SNRPN: variants seen among roughly 807,000 people sequenced by gnomAD.
SNRPN encodes the protein small nuclear ribonucleoprotein-associated protein N.
SNRPN carries 7 observed loss-of-function variants against 25.2 expected under a neutral mutation model. That is an observed-to-expected ratio of 0.28 (90% CI 0.16 to 0.52). The LOEUF is 0.52. Among genes scored for constraint, SNRPN ranks in the 20% least tolerant of loss-of-function variants. The probability of loss-of-function intolerance (pLI) is 0.96; values close to 1 mark genes in which losing one functional copy is unlikely to be tolerated. For missense variants in SNRPN, 196 were observed against 322.5 expected, an observed-to-expected ratio of 0.61 and a Z score of 3.00; for synonymous variants, 124 against 110.6, an observed-to-expected ratio of 1.12 and a Z score of -0.76.
chr15:24,886,346 A>G (rs2057206620), intron 1 of SNRPN, among the ~76,000 whole-genome samples: 1 of 152,136 alleles, frequency 6.6e-6, no homozygotes, highest in Non-Finnish European at 1.5e-5. Context: ...TTGGCTATAA[A>G]TTGCCACTTG....
At chr15:24,832,714 A>G (rs1000924827) in intron 2 of SNRPN, among the ~76,000 whole-genome samples, 1 of 152,018 alleles carries the variant, frequency 6.6e-6, no homozygotes, top group African/African-American at 2.4e-5. Flanking sequence ...TTGGACTAAG[A>G]GTCCAAGGTC....
intron 2 of SNRPN, among the ~76,000 whole-genome samples, chr15:24,890,288 TG>T (rs2057566055): frequency 6.6e-6 from 1 of 152,116 alleles, no homozygotes; most frequent in Non-Finnish European, 1.5e-5. Flanking sequence ...AACAAAGATC[TG>T]AACAAACAGG....
chr15:24,896,474 T>C (rs143219629), intron 2 of SNRPN, among the ~76,000 whole-genome samples: 1 of 152,104 alleles, frequency 6.6e-6, no homozygotes, highest in Admixed American at 6.6e-5. Context: ...CCACTTAAAA[T>C]GGCTCCTAGG....
In SNRPN at chr15:24,942,083, G is replaced by A. The variant is rs143290533; in HGVS notation, c.-390-20031G>A. Among the ~76,000 whole-genome samples, 316 of 152,162 alleles carry A rather than the reference G, an allele frequency of 2.1e-3. 1 individual carries two copies. Among genetic ancestry groups the A allele is most frequent in the African/African-American group, 7.3e-3 (303 of 41,538 alleles). On this transcript the variant is annotated intron_variant, in intron 3 of 11. Transcript: ENST00000400097. The stretch of plus-strand genomic sequence containing the variant: ...ATGAGCCACCGTGCCCGGCCTAGAT[G>A]GCAGTCCTAACTTCTACTTCAGTCC...
intron 1 of SNRPN, among the ~76,000 whole-genome samples, chr15:24,867,390 G>C (rs962528004): frequency 1.3e-5 from 1 of 77,992 alleles, no homozygotes; most frequent in Non-Finnish European, 2.3e-5. Context: ...TTTTTTTTTG[G>C]GGGGGACGGA....
chr15:24,972,037 C>T (rs920886640), intron 3 of SNRPN, among the ~76,000 whole-genome samples: 3 of 152,060 alleles, frequency 2.0e-5, no homozygotes, highest in Non-Finnish European at 4.4e-5. Context: ...CGGCAGGTCA[C>T]CTGAAGTCAG....
rs545387176 is a variant in SNRPN, at chr15:24,837,533, T to C, written c.-579+7628T>C. Among the ~76,000 whole-genome samples the C allele has an allele frequency of 1.1e-4, 17 of 151,366 alleles. No homozygotes were observed. In the South Asian group the frequency reaches 3.5e-3, roughly 31 times the overall value. ...ACAGGCGCCCACCACCATGCCTGGC[T>C]AATTTTTTTGTATTTTTGGTAGAGA... On this transcript the variant is annotated intron_variant, in intron 2 of 12. Transcript: ENST00000400100.
chr15:24,904,620 A>G (rs1421309422), intron 2 of SNRPN, among the ~76,000 whole-genome samples: 2 of 152,082 alleles, frequency 1.3e-5, no homozygotes, highest in Non-Finnish European at 2.9e-5. Context: ...GGGCCACTGC[A>G]CTCCAGCCTG....
At chr15:24,920,714 G>C (rs536743103) in intron 3 of SNRPN, among the ~76,000 whole-genome samples, 2 of 152,278 alleles carry the variant, frequency 1.3e-5, no homozygotes, top group South Asian at 4.1e-4. Context: ...GGCAGCGGGC[G>C]TGTATAGAGG....
intron 3 of SNRPN, among the ~76,000 whole-genome samples, chr15:24,938,977 T>A (rs2061397241): frequency 6.6e-6 from 1 of 152,054 alleles, no homozygotes; most frequent in Non-Finnish European, 1.5e-5. Context: ...GGAAGGACAT[T>A]CTCTCCCATG....
chr15:24,915,815 G>A (rs1000459927), intron 2 of SNRPN, among the ~76,000 whole-genome samples: 1 of 152,062 alleles, frequency 6.6e-6, no homozygotes, highest in Non-Finnish European at 1.5e-5. Context: ...AAAATTTTAA[G>A]GGGTGGCAGG....
chr15:24,949,726 AG>A (rs1290354411), intron 3 of SNRPN, among the ~76,000 whole-genome samples: 2 of 152,194 alleles, frequency 1.3e-5, no homozygotes, highest in African/African-American at 4.8e-5. Context: ...TAATGTTGTC[AG>A]GGTTCTTCCA....
chr15:24,908,052 C>CAAAAAA (rs71127014), intron 2 of SNRPN, among the ~76,000 whole-genome samples: 10 of 70,698 alleles, frequency 1.4e-4, no homozygotes, highest in Non-Finnish European at 2.2e-4. Flanking sequence ...GACTCCATCT[C>CAAAAAA]AAAAAAAAAA....
At chr15:24,877,471 C>G (rs944590832) in intron 1 of SNRPN, among the ~76,000 whole-genome samples, 3 of 152,200 alleles carry the variant, frequency 2.0e-5, no homozygotes, top group African/African-American at 7.2e-5. Flanking sequence ...CTGATTTGAG[C>G]AGGATTTTTA....
intron 2 of SNRPN, among the ~76,000 whole-genome samples, chr15:24,838,811 G>C (rs1434428420): frequency 6.6e-6 from 1 of 151,998 alleles, no homozygotes; most frequent in Non-Finnish European, 1.5e-5. Flanking sequence ...ACTACTAGAG[G>C]GTTCCTAGCA....
At chr15:24,954,940 C>T, upstream of SNRPN, 1 of 1,515,860 alleles carries the variant, frequency 6.6e-7, no homozygotes, top group Non-Finnish European at 9.0e-7. Context: ...CGCGCATGCT[C>T]AGGCGGGGAT....
intron 1 of SNRPN, among the ~76,000 whole-genome samples, chr15:24,885,791 A>G (rs1014477813): frequency 7.9e-5 from 12 of 151,412 alleles, no homozygotes; most frequent in Admixed American, 7.3e-4. Flanking sequence ...ATTAGCCTGT[A>G]GCCCACGTGT....
At chr15:24,875,600 C>G in intron 1 of SNRPN, among the ~76,000 whole-genome samples, 1 of 152,004 alleles carries the variant, frequency 6.6e-6, no homozygotes, top group East Asian at 1.9e-4. Context: ...TCAATTTTCC[C>G]CCCATTGAAC....
chr15:24,905,195 G>T (rs1418106516), intron 2 of SNRPN, among the ~76,000 whole-genome samples: 1 of 151,622 alleles, frequency 6.6e-6, no homozygotes, highest in African/African-American at 2.4e-5. Flanking sequence ...AATCCCATCC[G>T]ATTTTAAGAT....
Sources: allele counts gnomAD v4.1 joint callset (sites outside exome capture counted in the v4.1 genomes callset), GRCh38; gene constraint gnomAD v4.1.1; transcripts MANE v1.5; gene names NCBI Gene and HGNC (gene_info 2026-07-23, HGNC 2026-07-21).